QKI: variants seen among roughly 807,000 people sequenced by gnomAD.
The protein encoded by QKI is QKI, KH domain containing RNA binding.
QKI carries 10 observed loss-of-function variants against 39.0 expected under a neutral mutation model. That is an observed-to-expected ratio of 0.26 (90% CI 0.16 to 0.43). The LOEUF is 0.43. QKI is among the 20% of genes least tolerant of loss of function. QKI has a pLI of 1.00. For synonymous variants in QKI, 204 were observed against 155.4 expected (o/e 1.31, Z -2.33); for missense variants, 218 against 428.0 (o/e 0.51, Z 4.33).
intron 6 of QKI, 159 bp downstream of exon 6, chr6:163,563,878 G>T: frequency 1.4e-6 from 2 of 1,425,982 alleles, no homozygotes; most frequent in South Asian, 1.6e-5. Context: ...TCTCATAAGG[G>T]TTCCCCTTTG....
Position 163,562,085 on chromosome 6 carries a change from G to C in QKI, c.634+16G>C. 6.3e-7 allele frequency: 1 copy of C among 1,597,998 alleles called. No individual in the cohort carries two copies. The highest frequency in any genetic ancestry group is 2.2e-5 in the East Asian group (1 of 44,574). On this transcript the variant is annotated intron_variant, in intron 5 of 7. Transcript: ENST00000361752. ...ATTAAATCACGTAAGAATGAGCTCT[G>C]AGGCCCAGGGTTACTGCTGTCTGCG...
At chr6:163,504,373 A>G (rs1026820308) in intron 3 of QKI, among the ~76,000 whole-genome samples, 1 of 152,106 alleles carries the variant, frequency 6.6e-6, no homozygotes, top group Non-Finnish European at 1.5e-5. Flanking sequence ...ATTTTAAAAT[A>G]GTTTTTTCTA....
intron 3 of QKI, among the ~76,000 whole-genome samples, chr6:163,528,446 TG>T (rs1780647632): frequency 6.6e-6 from 1 of 152,144 alleles, no homozygotes; most frequent in Non-Finnish European, 1.5e-5. Flanking sequence ...TGGCTAGGTA[TG>T]GTAGCTTGGT....
At chr6:163,553,062 T>TTTTATTTATTTA (rs200656963) in intron 4 of QKI, among the ~76,000 whole-genome samples, 4 of 119,280 alleles carry the variant, frequency 3.4e-5, no homozygotes, top group South Asian at 2.8e-4. Context: ...TTTTTTTAAT[T>TTTTATTTATTTA]TTTATTTATT....
In QKI at chr6:163,415,143, CCGGCGGCGG is replaced by C. The variant is rs751570501; in HGVS notation, c.-35_-27del. The C allele has an allele frequency of 1.3e-4, 179 of 1,357,090 alleles. No homozygotes were observed. Among genetic ancestry groups the C allele is most frequent in the East Asian group, 8.0e-4 (22 of 27,474 alleles). 84.1% of individuals were successfully genotyped at this position (1,357,090 alleles called of 1,614,324 possible). ...GCTCGCCCCCGCCCCTCCCTCCTCT[CCGGCGGCGG>C]CGGCGGCGGCGGCGGGCGGAGTGAG... On this transcript the variant is annotated 5_prime_UTR_variant, in exon 1 of 8. Transcript: ENST00000361752.
rs1583247725 is a variant in QKI, at chr6:163,576,976, C to T, written c.*6266C>T. The stretch of plus-strand genomic sequence containing the variant: ...ATTTTTTTATCTTTAATAAATGGTA[C>T]AGTTTTTATGTAGTTTTCGAATGTA... On this transcript the variant is annotated 3_prime_UTR_variant, in exon 8 of 8. Transcript: ENST00000361752. 1 of 152,090 alleles carries T rather than the reference C, an allele frequency of 6.6e-6. No homozygotes were observed. The highest frequency in any genetic ancestry group is 1.9e-4 in the East Asian group (1 of 5,196). 9.4% of individuals were successfully genotyped at this position (152,090 alleles called of 1,614,324 possible).
intron 1 of QKI, among the ~76,000 whole-genome samples, chr6:163,444,966 C>T (rs1405628034): frequency 2.0e-5 from 3 of 151,838 alleles, no homozygotes; most frequent in East Asian, 3.9e-4. Context: ...GCGAGTGCAG[C>T]GGAGTGATCA....
At chr6:163,455,918 T>TCCTA (rs1477677191) in intron 2 of QKI, among the ~76,000 whole-genome samples, 3 of 152,210 alleles carry the variant, frequency 2.0e-5, no homozygotes. Context: ...AGCCTCCTTG[T>TCCTA]CCTATATCTG....
chr6:163,499,011 A>G (rs1475212648), intron 3 of QKI, among the ~76,000 whole-genome samples: 1 of 152,138 alleles, frequency 6.6e-6, no homozygotes, highest in Non-Finnish European at 1.5e-5. Flanking sequence ...CAGTATTTTA[A>G]ATTTTGTGCA....
At chr6:163,551,960 C>T (rs190798096) in intron 4 of QKI, among the ~76,000 whole-genome samples, 3 of 152,280 alleles carry the variant, frequency 2.0e-5, no homozygotes, top group East Asian at 1.9e-4. Flanking sequence ...ACCACCCCCA[C>T]GTGCAGTTGA....
intron 3 of QKI, among the ~76,000 whole-genome samples, chr6:163,511,433 T>G (rs1316942173): frequency 2.6e-5 from 4 of 151,364 alleles, no homozygotes; most frequent in African/African-American, 9.7e-5. Context: ...CTTGGAAAAG[T>G]TAGTTAAGAT....
intron 3 of QKI, among the ~76,000 whole-genome samples, chr6:163,493,075 TTTGTGACCTGATATATTTTGTTTAA>T (rs1778163584): frequency 6.6e-6 from 1 of 152,132 alleles, no homozygotes; most frequent in Non-Finnish European, 1.5e-5. Context: ...GATCTATGTA[TTTGTGACCTGATATATTTTGTTTAA>T]GTATATTACG....
rs7742497 is a variant in QKI at position 163,427,631 on chromosome 6, A to G, written c.142+12296A>G. ...TACCTTATGCTCAGCAGACATGGAA[A>G]ATACACATATATTTTAATGTCAGGT... On this transcript the variant is annotated intron_variant, in intron 1 of 7. Coordinates refer to ENST00000361752, the MANE Select transcript of QKI (RefSeq NM_006775.3). Among the ~76,000 whole-genome samples, 504 of 152,126 alleles carry G rather than the reference A, an allele frequency of 3.3e-3. 4 individuals are homozygous for G. Among genetic ancestry groups the G allele is most frequent in the African/African-American group, 0.011 (474 of 41,476 alleles).
chr6:163,444,399 C>T (rs774857114), intron 1 of QKI, among the ~76,000 whole-genome samples: 1 of 152,176 alleles, frequency 6.6e-6, no homozygotes, highest in African/African-American at 2.4e-5. Context: ...GTTGTGTAAA[C>T]TCAAGGCCAG....
At chr6:163,437,677 C>G (rs1446240050) in intron 1 of QKI, among the ~76,000 whole-genome samples, 1 of 152,050 alleles carries the variant, frequency 6.6e-6, no homozygotes, top group Middle Eastern at 3.2e-3. Flanking sequence ...AGGTGTGATG[C>G]TTTTCAGTTT....
chr6:163,484,524 C>T (rs1793324807), intron 3 of QKI, among the ~76,000 whole-genome samples: 1 of 151,990 alleles, frequency 6.6e-6, no homozygotes. Context: ...TTTTAAGGGC[C>T]CTAGTATTTT....
chr6:163,444,357 A>T (rs1789987886), intron 1 of QKI, among the ~76,000 whole-genome samples: 1 of 152,210 alleles, frequency 6.6e-6, no homozygotes, highest in Admixed American at 6.5e-5. Flanking sequence ...AGCTCAGCTA[A>T]ATCATGCTGG....
intron 3 of QKI, among the ~76,000 whole-genome samples, chr6:163,482,198 A>C (rs1793125293): frequency 6.6e-6 from 1 of 152,136 alleles, no homozygotes; most frequent in Non-Finnish European, 1.5e-5. Flanking sequence ...GGAAAAAAGA[A>C]AAAGAAACTG....
At position 163,532,461 on chromosome 6, in the gene QKI, T is replaced by TA. The variant is rs552782622; in HGVS notation, c.403-2520dup. Among the ~76,000 whole-genome samples, 14 of 152,338 alleles carry TA rather than the reference T, an allele frequency of 9.2e-5. No homozygotes were observed. In the South Asian group the frequency reaches 2.7e-3, roughly 29 times the overall value. ...TTTTACCTTGTTGGGTGGATATTTT[T>TA]ATATTCCTATAAATATCTTTGAGCT... On this transcript the variant is annotated intron_variant, in intron 3 of 7. Coordinates refer to ENST00000361752, the MANE Select transcript of QKI (RefSeq NM_006775.3).
Sources: allele counts gnomAD v4.1 joint callset (sites outside exome capture counted in the v4.1 genomes callset), GRCh38; gene constraint gnomAD v4.1.1; transcripts MANE v1.5; gene names NCBI Gene and HGNC (gene_info 2026-07-23, HGNC 2026-07-21).